The following MLXIP variants were observed in gnomAD, a reference collection of about 807,000 sequenced individuals.
The protein encoded by MLXIP is MLX-interacting protein.
In MLXIP, 30 loss-of-function variants were observed where a neutral mutation model predicts 87.2. That is an observed-to-expected ratio of 0.34 (90% CI 0.26 to 0.47). The LOEUF is 0.47. MLXIP is among the 20% of genes least tolerant of loss of function. The pLI is 1.00. For missense variants in MLXIP, 1,002 were observed against 1,240.1 expected (o/e 0.81, Z 2.88); for synonymous variants, 530 against 514.0 (o/e 1.03, Z -0.42).
intron 1 of MLXIP, among the ~76,000 whole-genome samples, chr12:122,117,625 A>G (rs1008709268): frequency 6.6e-6 from 1 of 152,230 alleles, no homozygotes; most frequent in Non-Finnish European, 1.5e-5. Flanking sequence ...GCAATTAACT[A>G]GAAGCCCTAG....
At chr12:122,115,930 A>T (rs549090439) in intron 1 of MLXIP, among the ~76,000 whole-genome samples, 1 of 152,018 alleles carries the variant, frequency 6.6e-6, no homozygotes, top group Non-Finnish European at 1.5e-5. Flanking sequence ...CAGTACCTGT[A>T]ATCCCAGCTA....
intron 1 of MLXIP, among the ~76,000 whole-genome samples, chr12:122,104,715 G>T (rs150540072): frequency 0.011 from 1,734 of 151,826 alleles, 31 homozygotes; most frequent in African/African-American, 0.039. Flanking sequence ...GAGTAGCTGG[G>T]ACTATAGGTG....
At position 122,132,290 on chromosome 12, in the gene MLXIP, A is replaced by T; in HGVS notation, c.1001-2A>T. On this transcript the variant is annotated splice_acceptor_variant, in intron 7 of 16. Transcript: ENST00000319080. LOFTEE classifies it high-confidence loss of function. Reference sequence around the variant, plus strand: ...CAGAAGACCCCTGCTGTTGTTTTTCAGACCTCTTCTCTTCTAGCCGCTCCA... The same window carrying T: ...CAGAAGACCCCTGCTGTTGTTTTTCTGACCTCTTCTCTTCTAGCCGCTCCA... The T allele has an allele frequency of 6.2e-7, 1 of 1,609,068 alleles. No individual in the cohort carries two copies. Among genetic ancestry groups the T allele is most frequent in the Non-Finnish European group, 8.5e-7 (1 of 1,177,416 alleles).
chr12:122,134,168 C>T (rs1055935923), intron 9 of MLXIP, 181 bp downstream of exon 9: 62 of 736,260 alleles, frequency 8.4e-5, no homozygotes, highest in African/African-American at 1.6e-4. Context: ...TGATCTAGTC[C>T]GTTTTCTATG....
intron 1 of MLXIP, among the ~76,000 whole-genome samples, chr12:122,086,143 G>C (rs1340052168): frequency 6.6e-6 from 1 of 152,142 alleles, no homozygotes; most frequent in East Asian, 1.9e-4. Flanking sequence ...GAGGGGACGG[G>C]TTCTCCCCCA....
At chr12:122,126,981 G>T (rs933709226) in intron 1 of MLXIP, among the ~76,000 whole-genome samples, 7 of 152,196 alleles carry the variant, frequency 4.6e-5, no homozygotes. Flanking sequence ...AGGTGTTTGG[G>T]TTAAAGTCCC....
At chr12:122,094,392 TTGGTGTG>T (rs1392461287) in intron 1 of MLXIP, among the ~76,000 whole-genome samples, 2 of 128,828 alleles carry the variant, frequency 1.6e-5, no homozygotes. Flanking sequence ...CTGTGTGGTG[TTGGTGTG>T]TGGTGTGTGT....
chr12:122,087,553 A>G (rs1952186756), intron 1 of MLXIP, among the ~76,000 whole-genome samples: 3 of 152,094 alleles, frequency 2.0e-5, no homozygotes, highest in Admixed American at 6.6e-5. Flanking sequence ...CGCTGGAGTG[A>G]GCTTGGCGCA....
intron 3 of MLXIP, 78 bp downstream of exon 3, chr12:122,128,046 T>A (rs1312057934): frequency 7.8e-6 from 10 of 1,288,456 alleles, no homozygotes; most frequent in East Asian, 2.3e-5. Context: ...CGCGGGCTGG[T>A]CCTGTAGGAG....
intron 1 of MLXIP, among the ~76,000 whole-genome samples, chr12:122,084,992 A>C (rs1952144984): frequency 6.6e-6 from 1 of 152,214 alleles, no homozygotes; most frequent in South Asian, 2.1e-4. Context: ...GAGGTTACAC[A>C]ACTTGTCCAC....
rs1466962048 is a variant in MLXIP at position 122,129,281 on chromosome 12, C to G, written c.696+55C>G. The G allele has an allele frequency of 4.1e-6, 6 of 1,481,214 alleles. No individual in the cohort carries two copies. The African/African-American group carries it at 7.0e-5, about 17-fold the overall frequency. The allele number at this position is 1,481,214 out of a possible 1,614,324, so 91.8% of individuals were successfully genotyped here. On this transcript the variant is annotated intron_variant, in intron 4 of 16. Coordinates refer to ENST00000319080, the MANE Select transcript of MLXIP (RefSeq NM_014938.6). ...CCTAGGGAGGGAGTGGGCAGAGTCC[C>G]TGGTTCAGGGCCCTGGCCGAGGCGG...
At position 122,142,261 on chromosome 12, in the gene MLXIP, A is replaced by C. The variant is rs768663871; in HGVS notation, c.*449A>C. On this transcript the variant is annotated 3_prime_UTR_variant, in exon 17 of 17. Coordinates refer to ENST00000319080, the MANE Select transcript of MLXIP (RefSeq NM_014938.6). ...ATGCCTCTGCCTGATGCCCTGCTCC[A>C]CTCTCTGGTCTGCCCGTGGGGCAGT... The C allele has an allele frequency of 2.9e-6, 2 of 696,196 alleles. No homozygotes were observed. The highest frequency in any genetic ancestry group is 3.0e-5 in the South Asian group (2 of 66,696). The allele number at this position is 696,196 out of a possible 1,614,324, so 43.1% of individuals were successfully genotyped here. A position where few individuals can be genotyped will look rare whatever the true frequency, so the allele number is the denominator to read the frequency against.
In MLXIP at chr12:122,078,767, G is replaced by T. The variant is rs556974215; in HGVS notation, c.-87G>T. On this transcript the variant is annotated 5_prime_UTR_variant, in exon 1 of 17. Coordinates refer to ENST00000319080, the MANE Select transcript of MLXIP (RefSeq NM_014938.6). ...GCGCGCTCGCGGACAGTCGGCGCGCGGGCCGGGCCGGGCCGGCGCCCCTCT... is the reference window on the plus strand; with the variant it reads ...GCGCGCTCGCGGACAGTCGGCGCGCTGGCCGGGCCGGGCCGGCGCCCCTCT... 2,255 of 999,172 alleles carry T rather than the reference G, an allele frequency of 2.3e-3. 8 individuals are homozygous for T. Among genetic ancestry groups the T allele is most frequent in the South Asian group, 0.019 (412 of 21,336 alleles). The allele number at this position is 999,172 out of a possible 1,614,324, so 61.9% of individuals were successfully genotyped here. A position where few individuals can be genotyped will look rare whatever the true frequency, so the allele number is the denominator to read the frequency against.
intron 1 of MLXIP, among the ~76,000 whole-genome samples, chr12:122,103,521 CTTTTT>C (rs36181949): frequency 9.0e-6 from 1 of 111,298 alleles, no homozygotes. Flanking sequence ...TGCACCTGGC[CTTTTT>C]TTTTTTTTTT....
chr12:122,130,412 C>T (rs145739104), intron 6 of MLXIP, among the ~76,000 whole-genome samples: 7 of 151,878 alleles, frequency 4.6e-5, no homozygotes, highest in African/African-American at 1.2e-4. Context: ...GTTCTCTTCA[C>T]GGGGTACGTG....
At chr12:122,100,678 C>A (rs1430710974) in intron 1 of MLXIP, among the ~76,000 whole-genome samples, 3 of 152,148 alleles carry the variant, frequency 2.0e-5, no homozygotes, top group Non-Finnish European at 4.4e-5. Context: ...CAGTGAGTTT[C>A]CCTTTTTGTC....
At chr12:122,129,659 C>T (rs777580089) in intron 5 of MLXIP, 30 bp downstream of exon 5, 1 of 1,565,516 alleles carries the variant, frequency 6.4e-7, no homozygotes, top group Non-Finnish European at 8.6e-7. Context: ...CTGAGGACCC[C>T]CACTTTGACA....
chr12:122,133,464 C>T lies in MLXIP; in HGVS notation c.1209C>T (p.Ser403=), dbSNP rs1010372149. The change falls in exon 9 of 17, where the codon TCC becomes TCT. Residue 403 remains serine, a synonymous_variant. Transcript: ENST00000319080. This position sits in a 1 kb window ranked among gnomAD's most constrained non-coding sequence, Gnocchi z 4.9. ...HMDEQGCEHT[S]RTEDPFIQPT... is the part of the protein sequence containing the mutation. Reference sequence around the variant, plus strand: ...ATGAGCAGGGCTGTGAACACACCTCCCGGACTGAGGACCCGTTTATCCAGC... The same window carrying T: ...ATGAGCAGGGCTGTGAACACACCTCTCGGACTGAGGACCCGTTTATCCAGC... 2.5e-6 allele frequency: 4 copies of T among 1,613,262 alleles called. No homozygotes were observed. The African/African-American group carries it at 5.3e-5, about 22-fold the overall frequency.
At position 122,129,006 on chromosome 12, in the gene MLXIP, T is replaced by C. The variant is rs75660021; in HGVS notation, c.607-131T>C. 85 of 692,242 alleles carry C rather than the reference T, an allele frequency of 1.2e-4. 1 individual carries two copies. In the East Asian group the frequency reaches 2.2e-3, roughly 18 times the overall value. 42.9% of individuals were successfully genotyped at this position (692,242 alleles called of 1,614,324 possible). A position where few individuals can be genotyped will look rare whatever the true frequency, so the allele number is the denominator to read the frequency against. On this transcript the variant is annotated intron_variant, in intron 3 of 16. Coordinates refer to ENST00000319080, the MANE Select transcript of MLXIP (RefSeq NM_014938.6). Reference sequence around the variant, plus strand: ...AGTGGGACGTACTTTCTGAGTGATGTGGTAGCCACTGTGGGGTTTCCCGCT... The same window carrying C: ...AGTGGGACGTACTTTCTGAGTGATGCGGTAGCCACTGTGGGGTTTCCCGCT...
Sources: gnomAD v4.1 joint callset for allele counts (sites outside exome capture counted in the v4.1 genomes callset) on GRCh38, gnomAD v4.1.1 for gene constraint, Gnocchi (gnomAD v3.1) non-coding constraint, MANE v1.5 for transcripts, NCBI Gene and HGNC (gene_info 2026-07-23, HGNC 2026-07-21) for gene names.